Variants in TCF20 observed in about 807,000 individuals in gnomAD.
TCF20 encodes the protein SPRE-binding protein.
A neutral mutation model predicts 148.6 loss-of-function variants in TCF20; 3 were observed. That is an observed-to-expected ratio of 0.02 (90% CI 0.01 to 0.05). The LOEUF is 0.05. Ranked by LOEUF, TCF20 falls within the 10% of genes least tolerant of loss-of-function variation. TCF20 has a pLI of 1.00. For synonymous variants in TCF20, 1,049 were observed against 909.5 expected (o/e 1.15, Z -2.76); for missense variants, 2,350 against 2,429.3 (o/e 0.97, Z 0.69).
At chr22:42,325,699 G>A (rs1927862763) in intron 1 of TCF20, among the ~76,000 whole-genome samples, 1 of 152,208 alleles carries the variant, frequency 6.6e-6, no homozygotes, top group Non-Finnish European at 1.5e-5. Context: ...CGCACCCAAG[G>A]ACGGCACCCT....
At chr22:42,192,407 C>T (rs542148843) in intron 2 of TCF20, among the ~76,000 whole-genome samples, 31 of 152,270 alleles carry the variant, frequency 2.0e-4, no homozygotes, top group Admixed American at 7.2e-4. Flanking sequence ...CTTCCTCTTT[C>T]GCACCCGGAG....
At chr22:42,328,037 T>A (rs1363027267) in intron 1 of TCF20, among the ~76,000 whole-genome samples, 3 of 152,140 alleles carry the variant, frequency 2.0e-5, no homozygotes, top group Admixed American at 2.0e-4. Flanking sequence ...TTCACAGCCC[T>A]TATGTCAGCT....
chr22:42,210,780 G>A lies in TCF20; in HGVS notation c.4526C>T (p.Pro1509Leu). 1.2e-6 allele frequency: 2 copies of A among 1,614,162 alleles called. No homozygotes were observed. The highest frequency in any genetic ancestry group is 1.1e-5 in the South Asian group (1 of 91,088). Residue 1509 changes from proline to leucine, a missense_variant, in exon 2 of 6, where the codon CCC becomes CTC. Physicochemically the swap from Pro to Leu is moderately conservative, Grantham distance 98 (BLOSUM62 -3). Around this residue, in one of 7 missense-constraint regions of TCF20, gnomAD observed 231 missense variants for 213.7 expected, o/e 1.08. Coordinates refer to ENST00000677622, the MANE Select transcript of TCF20 (RefSeq NM_001378418.1). This position sits in a 1 kb window ranked among gnomAD's most constrained non-coding sequence, Gnocchi z 4.7. ...PVGILAPEAN[P>L]KAEEKENDTV... ...ATCGTTCTCCTTCTCTTCAGCCTTG[G>A]GGTTTGCCTCAGGGGCCAATATGCC...
At chr22:42,166,472 G>C (rs1167684654) in intron 5 of TCF20, among the ~76,000 whole-genome samples, 1 of 152,156 alleles carries the variant, frequency 6.6e-6, no homozygotes, top group Non-Finnish European at 1.5e-5. Flanking sequence ...GCTGGGCGTG[G>C]TGGTGCACAC....
intron 2 of TCF20, among the ~76,000 whole-genome samples, chr22:42,204,356 G>A (rs1340220502): frequency 1.3e-5 from 2 of 152,130 alleles, no homozygotes; most frequent in African/African-American, 2.4e-5. Flanking sequence ...TTAGCTGGGT[G>A]TGGTGGCACG....
chr22:42,236,070 T>TGTA (rs982395643), intron 1 of TCF20, among the ~76,000 whole-genome samples: 1 of 152,000 alleles, frequency 6.6e-6, no homozygotes, highest in Non-Finnish European at 1.5e-5. Flanking sequence ...GGCAGGCACC[T>TGTA]GTAATCCGAG....
In TCF20 at chr22:42,160,890, C is replaced by A. The variant is rs1935406586; in HGVS notation, c.*513G>T. On this transcript the variant is annotated 3_prime_UTR_variant, in exon 6 of 6. Coordinates refer to ENST00000677622, the MANE Select transcript of TCF20 (RefSeq NM_001378418.1). The stretch of plus-strand genomic sequence containing the variant: ...CTAAAGATCAACGCCACACACACAC[C>A]CCGTCCTTCATGAGATGAGGGTTTG... The A allele has an allele frequency of 6.5e-6, 1 of 154,142 alleles. No individual in the cohort carries two copies. Among genetic ancestry groups the A allele is most frequent in the Admixed American group, 6.5e-5 (1 of 15,460 alleles). The allele number at this position is 154,142 out of a possible 1,614,324, so 9.5% of individuals were successfully genotyped here. A position where few individuals can be genotyped will look rare whatever the true frequency, so the allele number is the denominator to read the frequency against.
intron 1 of TCF20, among the ~76,000 whole-genome samples, chr22:42,251,492 C>CTTCTT (rs1925362662): frequency 2.1e-5 from 1 of 47,008 alleles, no homozygotes; most frequent in Non-Finnish European, 3.7e-5. Flanking sequence ...AAACAAGTGT[C>CTTCTT]TTTTTTTTTT....
chr22:42,336,301 C>T (rs1375825628), intron 1 of TCF20, among the ~76,000 whole-genome samples: 1 of 152,114 alleles, frequency 6.6e-6, no homozygotes, highest in African/African-American at 2.4e-5. Context: ...CCACCCCAGA[C>T]AGCCTCTCTC....
rs140296602 is a variant in TCF20 at position 42,192,882 on chromosome 22, A to C, written c.5656-13180T>G. On this transcript the variant is annotated intron_variant, in intron 2 of 5. Coordinates refer to ENST00000677622, the MANE Select transcript of TCF20 (RefSeq NM_001378418.1). ...ATCTGTGACTAGCTTATGAACCTTC[A>C]GTTTTCAGAATTGATTTTTGCATTT... 4.1e-4 allele frequency among the ~76,000 whole-genome samples: 63 copies of C among 152,316 alleles called. 1 individual carries two copies. Among genetic ancestry groups the C allele is most frequent in the African/African-American group, 1.5e-3 (63 of 41,586 alleles).
chr22:42,248,866 G>C (rs1925131784), intron 1 of TCF20, among the ~76,000 whole-genome samples: 1 of 152,226 alleles, frequency 6.6e-6, no homozygotes, highest in Non-Finnish European at 1.5e-5. Context: ...TGGGTACCAA[G>C]TTGCCGAGGA....
chr22:42,166,075 G>A (rs1935766523), intron 5 of TCF20, among the ~76,000 whole-genome samples: 1 of 152,192 alleles, frequency 6.6e-6, no homozygotes, highest in Non-Finnish European at 1.5e-5. Context: ...CACAAATGAA[G>A]GACGGTGACC....
Position 42,208,110 on chromosome 22 carries a change from G to A in TCF20, c.5655+1541C>T, listed in dbSNP as rs939596535. Reference sequence around the variant, plus strand: ...GGAGGATCCCTTGAGCCCAGTGGTTGGAGGCTGCAGTGAGCCATCATCACA... The same window carrying A: ...GGAGGATCCCTTGAGCCCAGTGGTTAGAGGCTGCAGTGAGCCATCATCACA... On this transcript the variant is annotated intron_variant, in intron 2 of 5. Transcript: ENST00000677622. Among the ~76,000 whole-genome samples the A allele has an allele frequency of 7.9e-5, 12 of 152,260 alleles. No individual in the cohort carries two copies. The South Asian group carries it at 1.0e-3, about 13-fold the overall frequency.
chr22:42,312,688 C>T (rs1179338894), intron 1 of TCF20, among the ~76,000 whole-genome samples: 1 of 152,112 alleles, frequency 6.6e-6, no homozygotes, highest in Non-Finnish European at 1.5e-5. Context: ...CTGTCAGGTC[C>T]CGGTCACCCC....
chr22:42,331,386 G>C (rs576760501), intron 1 of TCF20, among the ~76,000 whole-genome samples: 1 of 152,286 alleles, frequency 6.6e-6, no homozygotes, highest in South Asian at 2.1e-4. Context: ...TATCAGGGAG[G>C]GACAATCACA....
At chr22:42,340,186 G>A (rs1231866626) in intron 1 of TCF20, among the ~76,000 whole-genome samples, 1 of 152,198 alleles carries the variant, frequency 6.6e-6, no homozygotes, top group Non-Finnish European at 1.5e-5. Context: ...CCTTTCAAGG[G>A]GCCCAGCAGC....
intron 1 of TCF20, among the ~76,000 whole-genome samples, chr22:42,226,964 T>C (rs1922965093): frequency 6.6e-6 from 1 of 152,096 alleles, no homozygotes; most frequent in Non-Finnish European, 1.5e-5. Flanking sequence ...TAGGTTCCAG[T>C]CAAAATCTCA....
At chr22:42,306,293 G>A (rs1426058554) in intron 1 of TCF20, among the ~76,000 whole-genome samples, 1 of 152,260 alleles carries the variant, frequency 6.6e-6, no homozygotes, top group East Asian at 1.9e-4. Flanking sequence ...TCCTTCCAAG[G>A]AAAGTGGCGC....
chr22:42,242,309 CAGTA>C (rs1385761598), intron 1 of TCF20, among the ~76,000 whole-genome samples: 1 of 150,040 alleles, frequency 6.7e-6, no homozygotes, highest in African/African-American at 2.5e-5. Context: ...GGAGGCAAGG[CAGTA>C]AGTGAGGAGA....
Sources: allele counts gnomAD v4.1 joint callset (sites outside exome capture counted in the v4.1 genomes callset), GRCh38; gene constraint gnomAD v4.1.1; regional missense constraint gnomAD v4.1.1; non-coding constraint Gnocchi (gnomAD v3.1); transcripts MANE v1.5; gene names NCBI Gene and HGNC (gene_info 2026-07-23, HGNC 2026-07-21).